FHIT: variants seen among roughly 807,000 people sequenced by gnomAD.
The protein encoded by FHIT is fragile histidine triad diadenosine triphosphatase.
FHIT carries 19 observed loss-of-function variants against 17.9 expected under a neutral mutation model. That is an observed-to-expected ratio of 1.06 (90% confidence interval 0.74 to 1.56). The LOEUF (loss-of-function observed/expected upper bound fraction) is 1.56. FHIT is among the 40% of genes most tolerant of loss of function. The pLI is 0.00. For synonymous variants in FHIT, 81 were observed against 69.7 expected, an observed-to-expected ratio of 1.16 and a Z score of -0.81; for missense variants, 248 against 189.2, an observed-to-expected ratio of 1.31 and a Z score of -1.82.
chr3:59,928,408 T>C (rs1019572334), intron 7 of FHIT, among the ~76,000 whole-genome samples: 3 of 152,152 alleles, frequency 2.0e-5, no homozygotes, highest in African/African-American at 7.2e-5. Context: ...TCATCAAAAT[T>C]GTAAACTTTC....
intron 4 of FHIT, among the ~76,000 whole-genome samples, chr3:60,734,065 A>G (rs549576375): frequency 6.6e-6 from 1 of 152,270 alleles, no homozygotes; most frequent in South Asian, 2.1e-4. Context: ...AACTGTCCCA[A>G]TCCTACAAAC....
intron 3 of FHIT, among the ~76,000 whole-genome samples, chr3:60,938,632 G>A (rs970336502): frequency 2.0e-5 from 3 of 152,168 alleles, no homozygotes; most frequent in Non-Finnish European, 4.4e-5. Context: ...TTCATCTGAT[G>A]AACTGAATGT....
chr3:60,136,897 C>T (rs531390538), intron 5 of FHIT, among the ~76,000 whole-genome samples: 5 of 152,246 alleles, frequency 3.3e-5, no homozygotes, highest in Admixed American at 3.3e-4. Flanking sequence ...CAAAACTTCA[C>T]AGGACATGGC....
intron 4 of FHIT, among the ~76,000 whole-genome samples, chr3:60,702,528 T>C (rs2041272690): frequency 6.6e-6 from 1 of 152,050 alleles, no homozygotes; most frequent in African/African-American, 2.4e-5. Flanking sequence ...AAAGTAATTT[T>C]TTTCTATTTC....
chr3:60,504,237 C>G (rs2034636494), intron 5 of FHIT, among the ~76,000 whole-genome samples: 1 of 152,008 alleles, frequency 6.6e-6, no homozygotes, highest in Non-Finnish European at 1.5e-5. Flanking sequence ...AGATCGAGAC[C>G]ATCCTGGCCA....
At chr3:60,744,617 A>G (rs1248561975) in intron 4 of FHIT, among the ~76,000 whole-genome samples, 2 of 152,136 alleles carry the variant, frequency 1.3e-5, no homozygotes, top group Non-Finnish European at 2.9e-5. Context: ...ATTACCATCA[A>G]TGGTGTCCTG....
chr3:60,915,185 A>G (rs9854653), intron 3 of FHIT, among the ~76,000 whole-genome samples: 105,741 of 151,952 alleles, frequency 0.7, 37,146 homozygotes, highest in East Asian at 0.93. Flanking sequence ...CCCTACTCAC[A>G]CCAGAAACCT....
At chr3:59,800,804 G>A (rs1186445075) in intron 8 of FHIT, among the ~76,000 whole-genome samples, 1 of 152,096 alleles carries the variant, frequency 6.6e-6, no homozygotes, top group African/African-American at 2.4e-5. Context: ...GTGGCTGAGT[G>A]TTAAACCACA....
At chr3:60,110,807 T>G (rs2107177747) in intron 5 of FHIT, among the ~76,000 whole-genome samples, 1 of 152,346 alleles carries the variant, frequency 6.6e-6, no homozygotes, top group East Asian at 1.9e-4. Context: ...TAAAAACCAC[T>G]CAAGATTTCT....
chr3:60,635,367 C>T (rs944134852), intron 4 of FHIT, among the ~76,000 whole-genome samples: 4 of 152,160 alleles, frequency 2.6e-5, no homozygotes, highest in South Asian at 2.1e-4. Flanking sequence ...TGCCAAAGCC[C>T]GTGGCCAATT....
rs71627548 is a variant in FHIT, at chr3:60,626,783, C to CTTTTTTTT, written c.-17-89805_-17-89804insAAAAAAAA. Among the ~76,000 whole-genome samples, 12 of 85,948 alleles carry CTTTTTTTT rather than the reference C, an allele frequency of 1.4e-4. 1 individual carries two copies. Among genetic ancestry groups the CTTTTTTTT allele is most frequent in the East Asian group, 2.4e-4 (1 of 4,196 alleles). 56.4% of individuals were successfully genotyped at this position (85,948 alleles called of 152,430 possible). ...TTCTTCCTTATCTTAGGGGAAAACA[C>CTTTTTTTT]TCTTTTTTTTTTTTTTTTTTACGTT... On this transcript the variant is annotated intron_variant, in intron 4 of 9. Coordinates refer to ENST00000492590, the MANE Select transcript of FHIT (RefSeq NM_002012.4).
intron 5 of FHIT, among the ~76,000 whole-genome samples, chr3:60,158,945 A>G (rs965746072): frequency 3.3e-5 from 5 of 152,146 alleles, no homozygotes; most frequent in South Asian, 4.1e-4. Context: ...TGCAATGAGC[A>G]AAGAACCCAA....
At chr3:59,985,209 T>G (rs1708839919) in intron 7 of FHIT, among the ~76,000 whole-genome samples, 1 of 152,142 alleles carries the variant, frequency 6.6e-6, no homozygotes, top group South Asian at 2.1e-4. Context: ...GGGATTGAAC[T>G]GGCATCAGTG....
chr3:61,039,973 G>A (rs1291427636), intron 3 of FHIT, among the ~76,000 whole-genome samples: 2 of 152,146 alleles, frequency 1.3e-5, no homozygotes, highest in Admixed American at 1.3e-4. Flanking sequence ...TGTAATTCAA[G>A]TGACATCACT....
chr3:60,355,221 C>G (rs1442240545), intron 5 of FHIT, among the ~76,000 whole-genome samples: 1 of 152,118 alleles, frequency 6.6e-6, no homozygotes, highest in Non-Finnish European at 1.5e-5. Flanking sequence ...GCTAATTACC[C>G]AAAATTAAGT....
chr3:60,149,239 A>T (rs1163427988), intron 5 of FHIT, among the ~76,000 whole-genome samples: 1 of 152,158 alleles, frequency 6.6e-6, no homozygotes, highest in East Asian at 1.9e-4. Context: ...AAGGAAAGCT[A>T]TGGAAATAGG....
At position 60,128,463 on chromosome 3, in the gene FHIT, G is replaced by A. The variant is rs561461080; in HGVS notation, c.104-114311C>T. 3.0e-4 allele frequency among the ~76,000 whole-genome samples: 45 copies of A among 152,294 alleles called. 1 individual carries two copies. The South Asian group carries it at 9.1e-3, about 31-fold the overall frequency. ...GGCCTCTCCAGCCATGCTGAACTGT[G>A]AGTCAATTAAAACTCTTTCCTTTAT... On this transcript the variant is annotated intron_variant, in intron 5 of 9. Coordinates refer to ENST00000492590, the MANE Select transcript of FHIT (RefSeq NM_002012.4).
At chr3:60,051,950 T>C (rs567006385) in intron 5 of FHIT, among the ~76,000 whole-genome samples, 37 of 152,258 alleles carry the variant, frequency 2.4e-4, no homozygotes, top group African/African-American at 8.4e-4. Flanking sequence ...GGCAAGAATA[T>C]CTCTACAGAC....
At chr3:59,859,573 GC>G (rs1274334035) in intron 8 of FHIT, among the ~76,000 whole-genome samples, 1 of 152,236 alleles carries the variant, frequency 6.6e-6, no homozygotes, top group South Asian at 2.1e-4. Context: ...CAAAAAATTA[GC>G]CAGGCATGGA....
Sources: allele counts gnomAD v4.1 joint callset (sites outside exome capture counted in the v4.1 genomes callset), GRCh38; gene constraint gnomAD v4.1.1; transcripts MANE v1.5; gene names NCBI Gene and HGNC (gene_info 2026-07-23, HGNC 2026-07-21).